Variants in RPL10 observed in about 807,000 individuals in gnomAD.
The protein encoded by RPL10 is ribosomal protein L10, also known as large ribosomal subunit protein uL16.
Under a neutral mutation model 15.7 loss-of-function variants are expected in RPL10, and 1 was observed. The ratio of observed to expected loss-of-function variants is 0.06; its 90% CI spans 0.02 to 0.30. The LOEUF is 0.30. Among genes scored for constraint, RPL10 ranks in the 10% least tolerant of loss-of-function variants. The pLI is 1.00. For synonymous variants in RPL10, 59 were observed against 64.0 expected (o/e 0.92, Z 0.37); for missense variants, 54 against 183.4 (o/e 0.29, Z 4.08).
At position 154,398,483 on chromosome X, in the gene RPL10, C is replaced by G; in HGVS notation, c.-23-14C>G. 1 of 1,210,924 alleles carries G rather than the reference C, an allele frequency of 8.3e-7. No homozygotes were observed. Among genetic ancestry groups the G allele is most frequent in the Non-Finnish European group, 1.1e-6 (1 of 894,828 alleles). The stretch of plus-strand genomic sequence containing the variant: ...TTCTCGTCTTCCGTTCCGACTCTCT[C>G]TTTTTCGTTGCAGCCACTGAAGATC... On this transcript the variant is annotated splice_polypyrimidine_tract_variant and intron_variant, in intron 1 of 6. Coordinates refer to ENST00000369817, the MANE Select transcript of RPL10 (RefSeq NM_006013.5).
chrX:154,400,684 C>A lies in RPL10; in HGVS notation c.493-18C>A, dbSNP rs782256035. 4.1e-6 allele frequency: 5 copies of A among 1,209,410 alleles called. No homozygotes were observed. Among genetic ancestry groups the A allele is most frequent in the South Asian group, 3.5e-5 (2 of 56,831 alleles). ...TTGCCCCAGGCCTCCTGACTCAGTT[C>A]TTTCCATTGCTCCTTAGATCCACAT... On this transcript the variant is annotated intron_variant, in intron 6 of 6. Coordinates refer to ENST00000369817, the MANE Select transcript of RPL10 (RefSeq NM_006013.5).
At chrX:154,400,025 C>T (rs375160122) in intron 5 of RPL10, 84 bp downstream of exon 5, 51 of 1,121,511 alleles carry the variant, frequency 4.5e-5, no homozygotes, top group South Asian at 7.5e-5. Context: ...TAGAGGTGGC[C>T]CCAGTGACTC....
chrX:154,398,714 T>C, intron 2 of RPL10, 172 bp downstream of exon 2: 1 of 558,621 alleles, frequency 1.8e-6, no homozygotes, highest in South Asian at 2.8e-5. Context: ...AATATTACTG[T>C]CTGTTCCTTC....
upstream of RPL10, chrX:154,398,336 G>A (rs782125825): frequency 1.3e-4 from 76 of 587,857 alleles, no homozygotes; most frequent in African/African-American, 1.4e-3. Flanking sequence ...TACGCGCGCA[G>A]ACAGACCGCC....
Position 154,401,680 on chromosome X carries a change from G to A in RPL10, c.*826G>A, listed in dbSNP as rs1439293339. On this transcript the variant is annotated 3_prime_UTR_variant, in exon 7 of 7. Coordinates refer to ENST00000369817, the MANE Select transcript of RPL10 (RefSeq NM_006013.5). The stretch of plus-strand genomic sequence containing the variant: ...CAAAGGCTTTTGGTCCCAGAGCTGG[G>A]GTATGTTGGCCCCAGCCCCCAGCCT... 3 of 111,766 alleles carry A rather than the reference G, an allele frequency of 2.7e-5. No individual in the cohort carries two copies. The highest frequency in any genetic ancestry group is 9.5e-5 in the Admixed American group (1 of 10,568). The allele number at this position is 111,766 out of a possible 1,213,427, so 9.2% of individuals were successfully genotyped here. A position where few individuals can be genotyped will look rare whatever the true frequency, so the allele number is the denominator to read the frequency against.
intron 5 of RPL10, 95 bp downstream of exon 5, chrX:154,400,036 A>G (rs1168033063): frequency 2.8e-6 from 3 of 1,072,415 alleles, no homozygotes; most frequent in Non-Finnish European, 3.9e-6. Context: ...CCAGTGACTC[A>G]GCCACTATGG....
Position 154,401,071 on chromosome X carries a change from GTCTAC to G in RPL10, c.*221_*225del, listed in dbSNP as rs1229543530. ...TGGGACTGGTGGCCTTATGTCAGTTGTCTACTCTGGAGCTTGACTTGGACCTCCCC... is the reference window on the plus strand; with the variant it reads ...TGGGACTGGTGGCCTTATGTCAGTTGTCTGGAGCTTGACTTGGACCTCCCC... On this transcript the variant is annotated 3_prime_UTR_variant, in exon 7 of 7. Coordinates refer to ENST00000369817, the MANE Select transcript of RPL10 (RefSeq NM_006013.5). 8.0e-5 allele frequency: 84 copies of G among 1,055,210 alleles called. No individual in the cohort carries two copies. The highest frequency in any genetic ancestry group is 1.0e-4 in the Non-Finnish European group (79 of 793,609). The allele number at this position is 1,055,210 out of a possible 1,213,427, so 87.0% of individuals were successfully genotyped here.
At chrX:154,398,629 A>T in intron 2 of RPL10, 87 bp downstream of exon 2, 2 of 1,114,509 alleles carry the variant, frequency 1.8e-6, no homozygotes, top group Non-Finnish European at 2.5e-6. Flanking sequence ...TGTGGGGTGG[A>T]GCCTCCCCCG....
At chrX:154,400,174 G>C (rs191465081) in intron 5 of RPL10, 4 of 543,980 alleles carry the variant, frequency 7.4e-6, no homozygotes, top group Non-Finnish European at 1.3e-5. Context: ...CACTGGTGAT[G>C]GGAGTAGCTC....
Position 154,401,067 on chromosome X carries a change from A to G in RPL10, c.*213A>G. ...GGGCTGGGACTGGTGGCCTTATGTC[A>G]GTTGTCTACTCTGGAGCTTGACTTG... On this transcript the variant is annotated 3_prime_UTR_variant, in exon 7 of 7. Transcript: ENST00000369817. 1 of 1,069,144 alleles carries G rather than the reference A, an allele frequency of 9.4e-7. No homozygotes were observed. The highest frequency in any genetic ancestry group is 1.2e-6 in the Non-Finnish European group (1 of 802,779). The allele number at this position is 1,069,144 out of a possible 1,213,427, so 88.1% of individuals were successfully genotyped here. A position where few individuals can be genotyped will look rare whatever the true frequency, so the allele number is the denominator to read the frequency against.
In RPL10 at chrX:154,401,943, G is replaced by A. The variant is rs1242697210; in HGVS notation, c.*1089G>A. The A allele has an allele frequency of 9.0e-6, 1 of 111,484 alleles. No homozygotes were observed. 9.2% of individuals were successfully genotyped at this position (111,484 alleles called of 1,213,427 possible). A position where few individuals can be genotyped will look rare whatever the true frequency, so the allele number is the denominator to read the frequency against. On this transcript the variant is annotated 3_prime_UTR_variant, in exon 7 of 7. Transcript: ENST00000369817. ...TTTGGAGAGGAGGATGGAAGGGAGG[G>A]GTCCGGCATGCTGCTGGCATTTTGC...
intron 3 of RPL10, 23 bp from the exon 4 acceptor site, chrX:154,399,464 G>T (rs782463099): frequency 9.1e-6 from 11 of 1,210,656 alleles, no homozygotes; most frequent in Non-Finnish European, 1.2e-5. Context: ...GACACCCCCT[G>T]CACACTTACC....
At chrX:154,399,715 A>T (rs1346612948) in intron 4 of RPL10, 88 bp from the exon 5 acceptor site, 2 of 1,178,048 alleles carry the variant, frequency 1.7e-6, no homozygotes, top group African/African-American at 3.5e-5. Flanking sequence ...AAACTCAGCC[A>T]ACACAGTTCC....
intron 2 of RPL10, 87 bp from the exon 3 acceptor site, chrX:154,399,251 C>T (rs2067971848): frequency 5.2e-6 from 5 of 967,803 alleles, no homozygotes; most frequent in East Asian, 6.1e-5. Context: ...TTTCCCGTCC[C>T]TCGTTTGGGT....
Position 154,399,633 on chromosome X carries a change from C to T in RPL10, c.190+39C>T, listed in dbSNP as rs781808322. The T allele has an allele frequency of 2.1e-5, 25 of 1,175,088 alleles. No individual in the cohort carries two copies. The South Asian group carries it at 4.3e-4, about 20-fold the overall frequency. The stretch of plus-strand genomic sequence containing the variant: ...CTTTGTTCGTCACCCCCCAGTCCTT[C>T]CTCCGTGCTCCCTCAACCCCACCCA... On this transcript the variant is annotated intron_variant, in intron 4 of 6. Coordinates refer to ENST00000369817, the MANE Select transcript of RPL10 (RefSeq NM_006013.5).
upstream of RPL10, chrX:154,398,226 T>A (rs1433975029): frequency 8.3e-6 from 4 of 482,860 alleles, no homozygotes; most frequent in African/African-American, 9.3e-5. Context: ...TCTGCGCATG[T>A]GCTGGGCTAC....
chrX:154,399,420 A>G, intron 3 of RPL10, 24 bp downstream of exon 3: 4 of 1,209,329 alleles, frequency 3.3e-6, no homozygotes, highest in Non-Finnish European at 3.4e-6. Context: ...GAGCCCCTGC[A>G]CTGGTTGGCT....
At position 154,401,975 on chromosome X, in the gene RPL10, C is replaced by T. The variant is rs1350595046; in HGVS notation, c.*1121C>T. 1.8e-5 allele frequency: 2 copies of T among 111,681 alleles called. No homozygotes were observed. The highest frequency in any genetic ancestry group is 3.8e-5 in the Non-Finnish European group (2 of 53,207). 9.2% of individuals were successfully genotyped at this position (111,681 alleles called of 1,213,427 possible). ...CATGCTGCTGGCATTTTGCTGTGTC[C>T]TGCAGCCCCTTTCCGGGACACCTGG... On this transcript the variant is annotated 3_prime_UTR_variant, in exon 7 of 7. Transcript: ENST00000369817.
intron 2 of RPL10, 94 bp from the exon 3 acceptor site, chrX:154,399,244 C>A: frequency 1.1e-6 from 1 of 903,866 alleles, no homozygotes; most frequent in Non-Finnish European, 1.6e-6. Context: ...CCACCCTTTT[C>A]CCGTCCCTCG....
Sources: allele counts gnomAD v4.1 joint callset, GRCh38; gene constraint gnomAD v4.1.1; transcripts MANE v1.5; gene names NCBI Gene and HGNC (gene_info 2026-07-23, HGNC 2026-07-21).